Variants in ANKRD6 observed in about 807,000 individuals in gnomAD.
ANKRD6 encodes ankyrin repeat domain-containing protein 6.
Under a neutral mutation model 82.3 loss-of-function variants are expected in ANKRD6, and 56 were observed. The ratio of observed to expected loss-of-function variants is 0.68; its 90% CI spans 0.55 to 0.85. The LOEUF (loss-of-function observed/expected upper bound fraction) is 0.85. ANKRD6 is among the 40% of genes least tolerant of loss of function. The pLI is 0.00. For missense variants in ANKRD6, 852 were observed against 907.6 expected, an observed-to-expected ratio of 0.94 and a Z score of 0.79; for synonymous variants, 347 against 352.1, an observed-to-expected ratio of 0.99 and a Z score of 0.16.
chr6:89,447,790 C>T (rs1356150433), intron 1 of ANKRD6, among the ~76,000 whole-genome samples: 3 of 151,650 alleles, frequency 2.0e-5, no homozygotes, highest in Admixed American at 6.6e-5. Flanking sequence ...CTGGTTCAAG[C>T]GATTTTCCTG....
chr6:89,451,025 CA>C (rs1296554095), intron 1 of ANKRD6, among the ~76,000 whole-genome samples: 1 of 152,074 alleles, frequency 6.6e-6, no homozygotes, highest in Non-Finnish European at 1.5e-5. Flanking sequence ...TACTAAAATT[CA>C]GCCGGGTGCC....
At chr6:89,556,011 G>A (rs1422387975) in intron 1 of ANKRD6, among the ~76,000 whole-genome samples, 7 of 152,146 alleles carry the variant, frequency 4.6e-5, no homozygotes, top group Non-Finnish European at 1.0e-4. Flanking sequence ...CCCCTGTATG[G>A]TCTGTTTACA....
At chr6:89,484,101 T>C (rs890904727) in intron 1 of ANKRD6, among the ~76,000 whole-genome samples, 1 of 152,130 alleles carries the variant, frequency 6.6e-6, no homozygotes, top group Non-Finnish European at 1.5e-5. Flanking sequence ...AGAGATGAGG[T>C]TTTACCATGT....
intron 1 of ANKRD6, among the ~76,000 whole-genome samples, chr6:89,564,066 C>A (rs1255812305): frequency 1.3e-5 from 2 of 152,126 alleles, no homozygotes; most frequent in Non-Finnish European, 2.9e-5. Flanking sequence ...AGTAAGGAGG[C>A]GATTACTGGG....
At chr6:89,618,154 G>A (rs6909915) in intron 9 of ANKRD6, 123 bp downstream of exon 9, 710,273 of 1,086,372 alleles carry the variant, frequency 0.65, 236,337 homozygotes, top group East Asian at 0.93. Flanking sequence ...ACCAGGCAGT[G>A]GAGGTATAGG....
intron 1 of ANKRD6, among the ~76,000 whole-genome samples, chr6:89,525,576 C>CT (rs1782394800): frequency 6.6e-6 from 1 of 152,124 alleles, no homozygotes; most frequent in Admixed American, 6.6e-5. Flanking sequence ...CTGGCATGGA[C>CT]CAAAGGTGTT....
intron 3 of ANKRD6, among the ~76,000 whole-genome samples, chr6:89,601,283 T>A (rs1476609747): frequency 1.3e-5 from 2 of 152,140 alleles, no homozygotes; most frequent in Non-Finnish European, 2.9e-5. Flanking sequence ...AATAATAGTT[T>A]AGGATGCTGA....
chr6:89,510,783 A>G (rs1008248406), intron 1 of ANKRD6, among the ~76,000 whole-genome samples: 1 of 152,056 alleles, frequency 6.6e-6, no homozygotes, highest in African/African-American at 2.4e-5. Flanking sequence ...ACAATCATAT[A>G]AAATGTAAGT....
At chr6:89,481,001 A>T (rs1776742710) in intron 1 of ANKRD6, among the ~76,000 whole-genome samples, 1 of 151,934 alleles carries the variant, frequency 6.6e-6, no homozygotes, top group African/African-American at 2.4e-5. Flanking sequence ...TAAATATTAT[A>T]GGAGCACACA....
At chr6:89,475,525 A>G (rs1775943237) in intron 1 of ANKRD6, among the ~76,000 whole-genome samples, 1 of 152,240 alleles carries the variant, frequency 6.6e-6, no homozygotes, top group South Asian at 2.1e-4. Flanking sequence ...TTGATTGCCA[A>G]AAATAAAGAC....
chr6:89,543,426 G>A (rs1784663603), intron 1 of ANKRD6, among the ~76,000 whole-genome samples: 1 of 152,118 alleles, frequency 6.6e-6, no homozygotes, highest in African/African-American at 2.4e-5. Flanking sequence ...AACCGACATG[G>A]CCACAGCTCC....
At position 89,598,702 on chromosome 6, in the gene ANKRD6, G is replaced by A. The variant is rs370421815; in HGVS notation, c.219+2688G>A. 7.9e-4 allele frequency among the ~76,000 whole-genome samples: 120 copies of A among 152,324 alleles called. 2 individuals are homozygous for A. The South Asian group carries it at 9.5e-3, about 12-fold the overall frequency. On this transcript the variant is annotated intron_variant, in intron 3 of 15. Coordinates refer to ENST00000339746, the MANE Select transcript of ANKRD6 (RefSeq NM_001242809.2). ...GAAAAACTGAGAGCTGGCAGTTCAC[G>A]TACTTCGCAAATGGGTCAACATGTT...
rs1346412093 is a variant in ANKRD6 at position 89,465,068 on chromosome 6, C to T, written c.-144+31693C>T. Among the ~76,000 whole-genome samples, 4 of 151,834 alleles carry T rather than the reference C, an allele frequency of 2.6e-5. No individual in the cohort carries two copies. The East Asian group carries it at 7.7e-4, about 29-fold the overall frequency. Reference sequence around the variant, plus strand: ...ATTCTGGCCCACTTAGATCCTCTTTCTTTAAGAATTTGTAGTGCATGTAAT... The same window carrying T: ...ATTCTGGCCCACTTAGATCCTCTTTTTTTAAGAATTTGTAGTGCATGTAAT... On this transcript the variant is annotated intron_variant, in intron 1 of 15. Transcript: ENST00000339746.
chr6:89,559,232 C>A (rs1787047042), intron 1 of ANKRD6, among the ~76,000 whole-genome samples: 1 of 152,204 alleles, frequency 6.6e-6, no homozygotes, highest in South Asian at 2.1e-4. Context: ...GCAGTTGTCT[C>A]TTTGCCTTTC....
At position 89,584,432 on chromosome 6, in the gene ANKRD6, T is replaced by C. The variant is rs568608295; in HGVS notation, c.121-11484T>C. On this transcript the variant is annotated intron_variant, in intron 2 of 15. Coordinates refer to ENST00000339746, the MANE Select transcript of ANKRD6 (RefSeq NM_001242809.2). ...TTTTTCTTTTCTTTCTTTTAAGTTA[T>C]AATGACTTAGGTTTCAGAAAATAAA... 3.3e-5 allele frequency among the ~76,000 whole-genome samples: 5 copies of C among 152,370 alleles called. No individual in the cohort carries two copies. The South Asian group carries it at 1.0e-3, about 32-fold the overall frequency.
intron 1 of ANKRD6, among the ~76,000 whole-genome samples, chr6:89,549,017 G>C (rs966013183): frequency 3.3e-5 from 5 of 152,062 alleles, no homozygotes; most frequent in African/African-American, 9.7e-5. Flanking sequence ...GACCAACCTG[G>C]GCAACATGGT....
intron 1 of ANKRD6, among the ~76,000 whole-genome samples, chr6:89,470,037 GC>G (rs933724598): frequency 2.0e-5 from 3 of 152,116 alleles, no homozygotes; most frequent in African/African-American, 7.2e-5. Context: ...AGAAAAAAAT[GC>G]AAATAATACA....
chr6:89,602,975 A>G, intron 3 of ANKRD6, 54 bp from the exon 4 acceptor site: 2 of 1,454,480 alleles, frequency 1.4e-6, no homozygotes, highest in Non-Finnish European at 1.9e-6. Flanking sequence ...GAGTAGTGCA[A>G]GCAGGGGGTG....
At chr6:89,565,616 C>T (rs1321310252) in intron 1 of ANKRD6, among the ~76,000 whole-genome samples, 1 of 152,214 alleles carries the variant, frequency 6.6e-6, no homozygotes, top group Non-Finnish European at 1.5e-5. Context: ...CGAGTTCAAA[C>T]AGGATATGGT....
Sources: allele counts gnomAD v4.1 joint callset (sites outside exome capture counted in the v4.1 genomes callset), GRCh38; gene constraint gnomAD v4.1.1; transcripts MANE v1.5; gene names NCBI Gene and HGNC (gene_info 2026-07-23, HGNC 2026-07-21).